PVT1: variants seen among roughly 807,000 people sequenced by gnomAD.
The protein encoded by PVT1 is CXCR4/PVT1 fusion.
intron 4 of PVT1, among the ~76,000 whole-genome samples, chr8:128,033,036 G>T (rs183791432): frequency 6.6e-6 from 1 of 152,300 alleles, no homozygotes; most frequent in Admixed American, 6.5e-5. Flanking sequence ...GTGCAGGTAG[G>T]GTGAAGACCT....
intron 2 of PVT1, among the ~76,000 whole-genome samples, chr8:127,880,239 G>A (rs1324367840): frequency 1.3e-5 from 2 of 152,178 alleles, no homozygotes; most frequent in Non-Finnish European, 2.9e-5. Flanking sequence ...CTAGGAGCTA[G>A]CACGTGAACA....
intron 2 of PVT1, among the ~76,000 whole-genome samples, chr8:127,878,117 A>G (rs150368757): frequency 8.5e-5 from 13 of 152,064 alleles, no homozygotes; most frequent in African/African-American, 2.9e-4. Flanking sequence ...TGATTGATTG[A>G]CATTTGGACC....
In PVT1 at chr8:127,992,394, G is replaced by A. The variant is rs117411712; in HGVS notation, n.912+3103G>A. Among the ~76,000 whole-genome samples, 398 of 152,226 alleles carry A rather than the reference G, an allele frequency of 2.6e-3. 10 individuals are homozygous for A. The East Asian group carries it at 0.063, about 24-fold the overall frequency. The stretch of plus-strand genomic sequence containing the variant: ...AGCAAGACTCTGTCTCAAAACACAC[G>A]TACAAATTTTTTTCTTTTATTTTTT... On this transcript the variant is annotated intron_variant and non_coding_transcript_variant, in intron 4 of 10. Transcript: ENST00000651587.
chr8:127,832,274 A>G (rs1255140409), intron 2 of PVT1, among the ~76,000 whole-genome samples: 1 of 152,182 alleles, frequency 6.6e-6, no homozygotes, highest in Non-Finnish European at 1.5e-5. Context: ...CAGAGATAGC[A>G]AATGCTTGCC....
chr8:127,900,290 C>G (rs1008594546), intron 3 of PVT1, among the ~76,000 whole-genome samples: 1 of 152,094 alleles, frequency 6.6e-6, no homozygotes, highest in East Asian at 1.9e-4. Context: ...ATCCCCCCAC[C>G]TCGGCCTCCC....
chr8:127,838,834 A>G (rs1814937426), intron 2 of PVT1, among the ~76,000 whole-genome samples: 1 of 152,226 alleles, frequency 6.6e-6, no homozygotes, highest in Non-Finnish European at 1.5e-5. Flanking sequence ...AAGTACAGTC[A>G]TGTACCACAT....
intron 4 of PVT1, among the ~76,000 whole-genome samples, chr8:128,064,810 G>C (rs1207357581): frequency 3.3e-5 from 5 of 152,190 alleles, no homozygotes; most frequent in Non-Finnish European, 7.3e-5. Context: ...AACTTGTCAA[G>C]TTCGCCTCAA....
At chr8:127,812,163 G>T (rs1236060281) in intron 2 of PVT1, among the ~76,000 whole-genome samples, 1 of 147,530 alleles carries the variant, frequency 6.8e-6, no homozygotes, top group African/African-American at 2.5e-5. Flanking sequence ...AGAGGGGAGG[G>T]GAGGGGAAGA....
rs532534356 is a variant in PVT1, at chr8:128,027,026, C to T, written n.912+37735C>T. 5.8e-4 allele frequency among the ~76,000 whole-genome samples: 89 copies of T among 152,210 alleles called. 1 individual carries two copies. The highest frequency in any genetic ancestry group is 2.0e-3 in the African/African-American group (82 of 41,524). ...TCTCTAATGGGTCATCTGTTGTGAC[C>T]GTTGATTACAAGACACCATGCATGG... On this transcript the variant is annotated intron_variant and non_coding_transcript_variant, in intron 4 of 10. Coordinates refer to ENST00000651587, the Ensembl canonical transcript of PVT1.
chr8:127,928,617 C>T (rs1349835271), intron 3 of PVT1, among the ~76,000 whole-genome samples: 1 of 152,228 alleles, frequency 6.6e-6, no homozygotes, highest in Non-Finnish European at 1.5e-5. Context: ...CACCATCACC[C>T]CACCCTATCC....
intron 3 of PVT1, among the ~76,000 whole-genome samples, chr8:127,980,118 G>A (rs1363652447): frequency 6.6e-6 from 1 of 152,124 alleles, no homozygotes; most frequent in African/African-American, 2.4e-5. Context: ...CTGGCATTAA[G>A]CGATCTTCCT....
At chr8:127,807,688 T>C (rs1047895945) in intron 2 of PVT1, among the ~76,000 whole-genome samples, 1 of 152,226 alleles carries the variant, frequency 6.6e-6, no homozygotes, top group African/African-American at 2.4e-5. Context: ...TTTGAAAATA[T>C]GTAGAAAAGA....
At chr8:127,831,191 C>T (rs1384265330) in intron 2 of PVT1, among the ~76,000 whole-genome samples, 9 of 151,278 alleles carry the variant, frequency 5.9e-5, no homozygotes, top group African/African-American at 1.5e-4. Flanking sequence ...TTCTGTCCCT[C>T]CAGGGAACCC....
At chr8:128,063,673 A>G (rs1396949596) in intron 4 of PVT1, among the ~76,000 whole-genome samples, 1 of 152,220 alleles carries the variant, frequency 6.6e-6, no homozygotes, top group Non-Finnish European at 1.5e-5. Flanking sequence ...GTTGATCTCA[A>G]AGAAGTAGAA....
intron 2 of PVT1, among the ~76,000 whole-genome samples, chr8:127,803,964 C>T (rs1437758047): frequency 6.6e-6 from 1 of 152,100 alleles, no homozygotes; most frequent in African/African-American, 2.4e-5. Flanking sequence ...TGTGATCTGC[C>T]TGCCTCGGCC....
chr8:127,955,975 A>T (rs951336035), intron 3 of PVT1, among the ~76,000 whole-genome samples: 4 of 152,230 alleles, frequency 2.6e-5, no homozygotes, highest in African/African-American at 9.6e-5. Context: ...GCAAGGGCTA[A>T]ATTTGTAGCT....
chr8:128,014,550 G>T (rs1199077918), intron 4 of PVT1, among the ~76,000 whole-genome samples: 3 of 152,194 alleles, frequency 2.0e-5, no homozygotes, highest in Non-Finnish European at 4.4e-5. Context: ...CTGTGAAGCC[G>T]CCTGGCCGTG....
At chr8:127,977,461 G>A (rs1816834200) in intron 3 of PVT1, among the ~76,000 whole-genome samples, 1 of 152,204 alleles carries the variant, frequency 6.6e-6, no homozygotes, top group African/African-American at 2.4e-5. Flanking sequence ...GCTGGGCATG[G>A]TGGTTCACAC....
intron 2 of PVT1, among the ~76,000 whole-genome samples, chr8:127,837,991 G>A (rs1003598682): frequency 6.6e-6 from 1 of 151,366 alleles, no homozygotes; most frequent in Non-Finnish European, 1.5e-5. Context: ...TCCACCTCCT[G>A]GGTTCAAGTG....
Sources: allele counts gnomAD v4.1 joint callset (sites outside exome capture counted in the v4.1 genomes callset), GRCh38; gene constraint gnomAD v4.1.1; transcripts MANE v1.5; gene names NCBI Gene and HGNC (gene_info 2026-07-23, HGNC 2026-07-21).